Variants in TBX4 observed in about 807,000 individuals in gnomAD.
TBX4 encodes T-box transcription factor TBX4.
Under a neutral mutation model 54.6 loss-of-function variants are expected in TBX4, and 13 were observed. That is an observed-to-expected ratio of 0.24 (90% confidence interval 0.15 to 0.38). The LOEUF (loss-of-function observed/expected upper bound fraction) is 0.38. TBX4 is among the 10% of genes least tolerant of loss of function. The pLI is 1.00. For synonymous variants in TBX4, 314 were observed against 306.7 expected (o/e 1.02, Z -0.25); for missense variants, 631 against 728.5 (o/e 0.87, Z 1.54).
Position 61,457,520 on chromosome 17 carries a change from C to G in TBX4, c.187-17C>G, listed in dbSNP as rs770298100. 2.5e-6 allele frequency: 4 copies of G among 1,611,972 alleles called. No individual in the cohort carries two copies. In the South Asian group the frequency reaches 4.4e-5, roughly 18 times the overall value. ...CTGGGCCTGGCAGACACAAGTTTCT[C>G]TCCCTCCCATCCCCAGACCATCGAG... is the stretch of plus-strand genomic sequence containing the variant. On this transcript the variant is annotated splice_polypyrimidine_tract_variant and intron_variant, in intron 2 of 8. Transcript: ENST00000644296. The surrounding 1 kb of genome is among the most constrained non-coding windows in gnomAD (Gnocchi z 8.2).
At chr17:61,470,406 T>A (rs1444137983) in intron 5 of TBX4, among the ~76,000 whole-genome samples, 1 of 152,192 alleles carries the variant, frequency 6.6e-6, no homozygotes, top group Admixed American at 6.5e-5. Flanking sequence ...GGACCTTAGA[T>A]TGAAGTCTTG....
rs2060585266 is a variant in TBX4 at position 61,472,210 on chromosome 17, G to A, written c.549+4553G>A. Reference sequence around the variant, plus strand: ...TGTGAGATAAATGGCCTGTTCAAAGGGTACGTGGATTTGTAACTTTGAAAA... The same window carrying A: ...TGTGAGATAAATGGCCTGTTCAAAGAGTACGTGGATTTGTAACTTTGAAAA... On this transcript the variant is annotated intron_variant, in intron 5 of 8. Coordinates refer to ENST00000644296, the MANE Select transcript of TBX4 (RefSeq NM_001321120.2). This position sits in a 1 kb window ranked among gnomAD's most constrained non-coding sequence, Gnocchi z 4.5. Among the ~76,000 whole-genome samples, 3 of 152,034 alleles carry A rather than the reference G, an allele frequency of 2.0e-5. No individual in the cohort carries two copies. The highest frequency in any genetic ancestry group is 4.4e-5 in the Non-Finnish European group (3 of 68,010).
rs2060622272 is a variant in TBX4 at position 61,476,650 on chromosome 17, C to T, written c.550-1977C>T. ...GCCTCACTCTGCATTCCTCACCTGG[C>T]AGGCCCCCAGTCGGGCAGCAGGTCC... On this transcript the variant is annotated intron_variant, in intron 5 of 8. Transcript: ENST00000644296. The surrounding 1 kb of genome is among the most constrained non-coding windows in gnomAD (Gnocchi z 6.5). Among the ~76,000 whole-genome samples the T allele has an allele frequency of 6.6e-6, 1 of 152,268 alleles. No homozygotes were observed. Among genetic ancestry groups the T allele is most frequent in the Non-Finnish European group, 1.5e-5 (1 of 68,048 alleles).
chr17:61,467,657 T>G lies in TBX4; in HGVS notation c.549T>G (p.His183Gln), dbSNP rs2060545988. 1 of 1,613,962 alleles carries G rather than the reference T, an allele frequency of 6.2e-7. No homozygotes were observed. Among genetic ancestry groups the G allele is most frequent in the African/African-American group, 1.3e-5 (1 of 74,908 alleles). Reference sequence around the variant, plus strand: ...ACAACCACCTGGACCCCTTTGGCCATGTAAGCATGGGGGCTGCCTGGCCCC... The same window carrying G: ...ACAACCACCTGGACCCCTTTGGCCAGGTAAGCATGGGGGCTGCCTGGCCCC... ...LTNNHLDPFGHIILNSMHKYQ... is the reference protein window; with the variant it reads ...LTNNHLDPFGQIILNSMHKYQ... Residue 183 changes from histidine (H) to glutamine (Q), a missense_variant and splice_region_variant, in exon 5 of 9, where the codon CAT (histidine) becomes CAG (glutamine). His to Gln is a conservative substitution (Grantham distance 24, BLOSUM62 0). This residue lies in a region of TBX4 where 154 missense variants were observed against 238.6 expected (regional missense o/e 0.65). Transcript: ENST00000644296.
chr17:61,466,182 C>T (rs766359143), intron 4 of TBX4, among the ~76,000 whole-genome samples: 1 of 152,142 alleles, frequency 6.6e-6, no homozygotes. Context: ...TTTGGTGGAT[C>T]GCAAGGGTCT....
At chr17:61,471,982 A>C (rs898588333) in intron 5 of TBX4, among the ~76,000 whole-genome samples, 6 of 143,422 alleles carry the variant, frequency 4.2e-5, no homozygotes, top group African/African-American at 1.6e-4. Flanking sequence ...ACCTCAGGTG[A>C]TCCACCTGCC....
At chr17:61,455,047 G>A (rs2060436830) in intron 1 of TBX4, among the ~76,000 whole-genome samples, 1 of 152,228 alleles carries the variant, frequency 6.6e-6, no homozygotes, top group Non-Finnish European at 1.5e-5. Flanking sequence ...GCCCGAGGCG[G>A]GTGCTGGCGC....
In TBX4 at chr17:61,479,785, A is replaced by T. The variant is rs1464444334; in HGVS notation, c.703-96A>T. 3 of 1,268,258 alleles carry T rather than the reference A, an allele frequency of 2.4e-6. No individual in the cohort carries two copies. The highest frequency in any genetic ancestry group is 2.4e-5 in the South Asian group (2 of 83,312). The allele number at this position is 1,268,258 out of a possible 1,614,324, so 78.6% of individuals were successfully genotyped here. On this transcript the variant is annotated intron_variant, in intron 6 of 8. Transcript: ENST00000644296. This position sits in a 1 kb window ranked among gnomAD's most constrained non-coding sequence, Gnocchi z 6.1. ...GAGGCTGGAGAGCGACCCCTGAGGG[A>T]GGGAGGTTACATGTTATGATCCCAT...
rs367609810 is a variant in TBX4 at position 61,480,362 on chromosome 17, C to T, written c.1021+43C>T. ...TAGAAGCCCTAGAGGGTAAGAGGAG[C>T]GGTGAGGTTCTCCCCGAAACCACTC... On this transcript the variant is annotated intron_variant, in intron 8 of 8. Transcript: ENST00000644296. The surrounding 1 kb of genome is among the most constrained non-coding windows in gnomAD (Gnocchi z 6.2). The T allele has an allele frequency of 5.8e-5, 86 of 1,494,296 alleles. No homozygotes were observed. Among genetic ancestry groups the T allele is most frequent in the African/African-American group, 1.8e-4 (13 of 71,110 alleles). The allele number at this position is 1,494,296 out of a possible 1,614,324, so 92.6% of individuals were successfully genotyped here. A position where few individuals can be genotyped will look rare whatever the true frequency, so the allele number is the denominator to read the frequency against.
rs564667786 is a variant in TBX4, at chr17:61,461,015, G to A, written c.281+3384G>A. On this transcript the variant is annotated intron_variant, in intron 3 of 8. Transcript: ENST00000644296. The surrounding 1 kb of genome is among the most constrained non-coding windows in gnomAD (Gnocchi z 5.1). Reference sequence around the variant, plus strand: ...ATTGCCCTCACTCTGTATACAGAGCGTCAGAGCCCAGTGGCGTGGATGATA... The same window carrying A: ...ATTGCCCTCACTCTGTATACAGAGCATCAGAGCCCAGTGGCGTGGATGATA... 3.9e-5 allele frequency among the ~76,000 whole-genome samples: 6 copies of A among 152,360 alleles called. No individual in the cohort carries two copies. Among genetic ancestry groups the A allele is most frequent in the East Asian group, 1.9e-4 (1 of 5,180 alleles).
At chr17:61,454,523 G>A (rs940122264) in intron 1 of TBX4, among the ~76,000 whole-genome samples, 14 of 152,262 alleles carry the variant, frequency 9.2e-5, no homozygotes, top group Admixed American at 2.0e-4. Flanking sequence ...CGGCCGCCCC[G>A]GGCCAGCCGG....
Position 61,480,399 on chromosome 17 carries a change from C to CG in TBX4, c.1021+80_1021+81insG. The CG allele has an allele frequency of 8.7e-7, 1 of 1,146,580 alleles. No individual in the cohort carries two copies. Among genetic ancestry groups the CG allele is most frequent in the Middle Eastern group, 2.6e-4 (1 of 3,818 alleles). 71.0% of individuals were successfully genotyped at this position (1,146,580 alleles called of 1,614,324 possible). A position where few individuals can be genotyped will look rare whatever the true frequency, so the allele number is the denominator to read the frequency against. On this transcript the variant is annotated intron_variant, in intron 8 of 8. Transcript: ENST00000644296. This position sits in a 1 kb window ranked among gnomAD's most constrained non-coding sequence, Gnocchi z 6.2. ...CCCCGAAACCACTCTGCAGCGCCCC[C>CG]CCCCCCAACACACACACACTCATCT...
In TBX4 at chr17:61,461,491, G is replaced by T. The variant is rs781555231; in HGVS notation, c.281+3860G>T. Among the ~76,000 whole-genome samples, 6 of 152,070 alleles carry T rather than the reference G, an allele frequency of 3.9e-5. No individual in the cohort carries two copies. The highest frequency in any genetic ancestry group is 8.8e-5 in the Non-Finnish European group (6 of 67,994). On this transcript the variant is annotated intron_variant, in intron 3 of 8. Transcript: ENST00000644296. The surrounding 1 kb of genome is among the most constrained non-coding windows in gnomAD (Gnocchi z 5.1). Reference sequence around the variant, plus strand: ...GACATCAGGGTTGGAGAAACAAAGGGTTTTAAGGGGACCCCTGCCATTTCA... The same window carrying T: ...GACATCAGGGTTGGAGAAACAAAGGTTTTTAAGGGGACCCCTGCCATTTCA...
chr17:61,481,082 C>T lies in TBX4; in HGVS notation c.1021+763C>T, dbSNP rs1200020054. On this transcript the variant is annotated intron_variant, in intron 8 of 8. Coordinates refer to ENST00000644296, the MANE Select transcript of TBX4 (RefSeq NM_001321120.2). This position sits in a 1 kb window ranked among gnomAD's most constrained non-coding sequence, Gnocchi z 4.8. ...CCTCAGCCCTGGTCCTAGGGACTAG[C>T]CCAGCAGAGCTCCGAGATCCCCTGT... Among the ~76,000 whole-genome samples the T allele has an allele frequency of 6.6e-6, 1 of 152,182 alleles. No individual in the cohort carries two copies. Among genetic ancestry groups the T allele is most frequent in the Non-Finnish European group, 1.5e-5 (1 of 68,030 alleles).
chr17:61,458,208 T>C (rs2060468644), intron 3 of TBX4, among the ~76,000 whole-genome samples: 1 of 143,160 alleles, frequency 7.0e-6, no homozygotes, highest in Non-Finnish European at 1.5e-5. Context: ...CAGAAAAGGA[T>C]GATTTATAAA....
At chr17:61,467,841 G>T (rs866798519) in intron 5 of TBX4, among the ~76,000 whole-genome samples, 184 bp downstream of exon 5, 1 of 152,222 alleles carries the variant, frequency 6.6e-6, no homozygotes, top group Non-Finnish European at 1.5e-5. Flanking sequence ...TTCCTTCCCG[G>T]CCACTTACTG....
chr17:61,485,081 C>T lies in TBX4; in HGVS notation c.*1565C>T, dbSNP rs905880144. 2.0e-5 allele frequency: 3 copies of T among 151,862 alleles called. No individual in the cohort carries two copies. The highest frequency in any genetic ancestry group is 3.9e-4 in the East Asian group (2 of 5,176). The allele number at this position is 151,862 out of a possible 1,614,324, so 9.4% of individuals were successfully genotyped here. On this transcript the variant is annotated 3_prime_UTR_variant, in exon 9 of 9. Transcript: ENST00000644296. The surrounding 1 kb of genome is among the most constrained non-coding windows in gnomAD (Gnocchi z 4.6). ...AGCATGGATGTTTTATTTTGCATATCGGAACATAAAGCCATTTTACAACTG... is the reference window on the plus strand; with the variant it reads ...AGCATGGATGTTTTATTTTGCATATTGGAACATAAAGCCATTTTACAACTG...
In TBX4 at chr17:61,456,876, C is replaced by T. The variant is rs955974794; in HGVS notation, c.186+200C>T. On this transcript the variant is annotated intron_variant, in intron 2 of 8. Coordinates refer to ENST00000644296, the MANE Select transcript of TBX4 (RefSeq NM_001321120.2). Reference sequence around the variant, plus strand: ...TGGGTCCTTCTCCACTTTGAGCCCTCGGGGCTACTCTGGGACAAGCAAGAG... The same window carrying T: ...TGGGTCCTTCTCCACTTTGAGCCCTTGGGGCTACTCTGGGACAAGCAAGAG... 2.3e-4 allele frequency among the ~76,000 whole-genome samples: 35 copies of T among 152,206 alleles called. 1 individual carries two copies. The highest frequency in any genetic ancestry group is 1.6e-3 in the Admixed American group (25 of 15,288).
chr17:61,480,171 C>A lies in TBX4; in HGVS notation c.873C>A (p.Gly291=). 3 of 1,614,098 alleles carry A rather than the reference C, an allele frequency of 1.9e-6. No individual in the cohort carries two copies. The highest frequency in any genetic ancestry group is 2.5e-6 in the Non-Finnish European group (3 of 1,180,016). ...AGCTCTCAGCCACACCGGACGTGGGCCCCCTGCTCGGCACCCACCAGGCAC... is the reference window on the plus strand; with the variant it reads ...AGCTCTCAGCCACACCGGACGTGGGACCCCTGCTCGGCACCCACCAGGCAC... ...SPQLSATPDV[G]PLLGTHQALQ... Residue 291 remains glycine, a synonymous_variant, in exon 8 of 9, where the codon GGC becomes GGA. Coordinates refer to ENST00000644296, the MANE Select transcript of TBX4 (RefSeq NM_001321120.2). The surrounding 1 kb of genome is among the most constrained non-coding windows in gnomAD (Gnocchi z 6.2).
Sources: allele counts gnomAD v4.1 joint callset (sites outside exome capture counted in the v4.1 genomes callset), GRCh38; gene constraint gnomAD v4.1.1; regional missense constraint gnomAD v4.1.1; non-coding constraint Gnocchi (gnomAD v3.1); transcripts MANE v1.5; gene names NCBI Gene and HGNC (gene_info 2026-07-23, HGNC 2026-07-21).